The following TMEM72 variants were observed in gnomAD, a reference collection of about 807,000 sequenced individuals.
TMEM72 encodes the protein transmembrane protein 72.
In TMEM72, 9 loss-of-function variants were observed where a neutral mutation model predicts 16.3. The ratio of observed to expected loss-of-function variants is 0.55; its 90% CI spans 0.33 to 0.96. The LOEUF is 0.96. Among genes scored for constraint, TMEM72 ranks in the 40% least tolerant of loss-of-function variants. The pLI is 0.03. For missense variants in TMEM72, 324 were observed against 337.8 expected, an observed-to-expected ratio of 0.96 and a Z score of 0.32; for synonymous variants, 160 against 146.5, an observed-to-expected ratio of 1.09 and a Z score of -0.66.
intron 1 of TMEM72, among the ~76,000 whole-genome samples, chr10:44,923,454 T>A (rs1016319672): frequency 5.9e-5 from 9 of 152,166 alleles, no homozygotes; most frequent in South Asian, 2.1e-4. Context: ...CCTCACAATA[T>A]GTCGGTCTCA....
At position 44,921,267 on chromosome 10, in the gene TMEM72, C is replaced by T. The variant is rs1330176973; in HGVS notation, c.71-6654C>T. Among the ~76,000 whole-genome samples the T allele has an allele frequency of 2.6e-5, 4 of 152,088 alleles. No homozygotes were observed. The East Asian group carries it at 7.7e-4, about 29-fold the overall frequency. On this transcript the variant is annotated intron_variant, in intron 1 of 4. Coordinates refer to ENST00000389583, the MANE Select transcript of TMEM72 (RefSeq NM_001123376.3). ...AGACAGAGGCGTGGGGTGAGCTGTG[C>T]TGGAGTGGGCATAAGGTACCTCTGT...
At chr10:44,920,374 G>A (rs1840076573) in intron 1 of TMEM72, among the ~76,000 whole-genome samples, 1 of 152,242 alleles carries the variant, frequency 6.6e-6, no homozygotes, top group African/African-American at 2.4e-5. Flanking sequence ...GCAGCCTGAG[G>A]CCAGGGGAAT....
At chr10:44,914,488 T>A (rs532952584) in intron 1 of TMEM72, among the ~76,000 whole-genome samples, 2 of 152,324 alleles carry the variant, frequency 1.3e-5, no homozygotes, top group East Asian at 3.9e-4. Context: ...GTGCCTCAGT[T>A]GCTGAGACGC....
At chr10:44,933,580 A>C in intron 3 of TMEM72, 57 bp from the exon 4 acceptor site, 1 of 1,569,826 alleles carries the variant, frequency 6.4e-7, no homozygotes, top group Non-Finnish European at 8.7e-7. Context: ...CATGGCATCC[A>C]GTCTTGCTGG....
intron 1 of TMEM72, among the ~76,000 whole-genome samples, chr10:44,914,788 C>G (rs892538706): frequency 3.3e-5 from 5 of 152,324 alleles, no homozygotes; most frequent in South Asian, 4.1e-4. Flanking sequence ...GCACTCCTCC[C>G]CTGTGAGATG....
intron 2 of TMEM72, among the ~76,000 whole-genome samples, chr10:44,928,269 T>C (rs1030499086): frequency 1.3e-5 from 2 of 149,304 alleles, no homozygotes; most frequent in African/African-American, 5.0e-5. Context: ...AGCCCACCCA[T>C]CCATCCACTC....
At chr10:44,924,518 A>G (rs1197338908) in intron 1 of TMEM72, among the ~76,000 whole-genome samples, 2 of 114,272 alleles carry the variant, frequency 1.8e-5, no homozygotes, top group Admixed American at 1.9e-4. Flanking sequence ...AGAAGCGGCC[A>G]GGAGCCGCCC....
intron 4 of TMEM72, among the ~76,000 whole-genome samples, chr10:44,934,052 A>C (rs1840351249): frequency 6.6e-6 from 1 of 152,128 alleles, no homozygotes; most frequent in Admixed American, 6.5e-5. Context: ...CCTCCCACTG[A>C]CCATGTGTGG....
At chr10:44,918,757 A>G (rs549501776) in intron 1 of TMEM72, among the ~76,000 whole-genome samples, 2 of 152,302 alleles carry the variant, frequency 1.3e-5, no homozygotes, top group African/African-American at 4.8e-5. Flanking sequence ...CTAACACCCA[A>G]CATGATTGTA....
In TMEM72 at chr10:44,911,532, G is replaced by T. The variant is rs1303715709; in HGVS notation, c.20G>T (p.Trp7Leu). The stretch of plus-strand genomic sequence containing the variant: ...GGCACCATGCAGCTCCAGGTGTTCT[G>T]GACTGGGCTGGAATACACCTGCCGG... MQLQVF[W>L]TGLEYTCRLL... Residue 7 changes from tryptophan to leucine, a missense_variant, in exon 1 of 5, where the codon TGG becomes TTG. Trp to Leu is a moderately conservative substitution (Grantham distance 61). Transcript: ENST00000389583. 1 of 1,551,202 alleles carries T rather than the reference G, an allele frequency of 6.4e-7. No homozygotes were observed. The highest frequency in any genetic ancestry group is 1.2e-5 in the South Asian group (1 of 84,112).
Position 44,927,915 on chromosome 10 carries a change from C to A in TMEM72, c.71-6C>A. On this transcript the variant is annotated splice_region_variant and splice_polypyrimidine_tract_variant and intron_variant, in intron 1 of 4. Coordinates refer to ENST00000389583, the MANE Select transcript of TMEM72 (RefSeq NM_001123376.3). ...GCCCACTCTTCCTTCTTCTCTTGCCCCTTAGTGTTGATCGGCGTGGGCACT... is the reference window on the plus strand; with the variant it reads ...GCCCACTCTTCCTTCTTCTCTTGCCACTTAGTGTTGATCGGCGTGGGCACT... 1 of 1,613,964 alleles carries A rather than the reference C, an allele frequency of 6.2e-7. No individual in the cohort carries two copies. Among genetic ancestry groups the A allele is most frequent in the Non-Finnish European group, 8.5e-7 (1 of 1,179,980 alleles).
Position 44,934,896 on chromosome 10 carries a change from G to C in TMEM72, c.590G>C (p.Ser197Thr). Reference sequence around the variant, plus strand: ...ATCCTGAAGGGGACTAAGAAGCCCAGTGCCCTCCAGCCCCCCAACACCCTG... The same window carrying C: ...ATCCTGAAGGGGACTAAGAAGCCCACTGCCCTCCAGCCCCCCAACACCCTG... ...KSILKGTKKPSALQPPNTLME... is the reference protein window; with the variant it reads ...KSILKGTKKPTALQPPNTLME... Residue 197 changes from serine to threonine, a missense_variant, in exon 5 of 5, where the codon AGT becomes ACT. Coordinates refer to ENST00000389583, the MANE Select transcript of TMEM72 (RefSeq NM_001123376.3). The C allele has an allele frequency of 6.2e-7, 1 of 1,613,454 alleles. No individual in the cohort carries two copies.
At chr10:44,930,188 C>A (rs556057649) in intron 2 of TMEM72, among the ~76,000 whole-genome samples, 2 of 152,222 alleles carry the variant, frequency 1.3e-5, no homozygotes, top group African/African-American at 4.8e-5. Context: ...TTCTCTAACA[C>A]CTGCAGGATC....
At chr10:44,917,134 C>T (rs781412039) in intron 1 of TMEM72, among the ~76,000 whole-genome samples, 1 of 152,136 alleles carries the variant, frequency 6.6e-6, no homozygotes, top group Admixed American at 6.5e-5. Context: ...CTAGTAAGTG[C>T]ACATCCGAGC....
At chr10:44,912,963 C>G (rs1839958973) in intron 1 of TMEM72, among the ~76,000 whole-genome samples, 1 of 152,262 alleles carries the variant, frequency 6.6e-6, no homozygotes, top group Middle Eastern at 3.4e-3. Flanking sequence ...CAGCCCGGAG[C>G]CCTGGTCCTT....
At position 44,911,402 on chromosome 10, in the gene TMEM72, T is replaced by C; in HGVS notation, c.-111T>C. ...CTGGTTTGGGAAGGCAGGGCCCCGGTGTGCAGCCACAGCCAGCAGCCTCCT... is the reference window on the plus strand; with the variant it reads ...CTGGTTTGGGAAGGCAGGGCCCCGGCGTGCAGCCACAGCCAGCAGCCTCCT... On this transcript the variant is annotated 5_prime_UTR_variant, in exon 1 of 5. Coordinates refer to ENST00000389583, the MANE Select transcript of TMEM72 (RefSeq NM_001123376.3). 1.7e-6 allele frequency: 2 copies of C among 1,154,528 alleles called. No individual in the cohort carries two copies. Among genetic ancestry groups the C allele is most frequent in the South Asian group, 2.9e-5 (2 of 68,348 alleles). The allele number at this position is 1,154,528 out of a possible 1,614,324, so 71.5% of individuals were successfully genotyped here. A position where few individuals can be genotyped will look rare whatever the true frequency, so the allele number is the denominator to read the frequency against.
intron 3 of TMEM72, 98 bp from the exon 4 acceptor site, chr10:44,933,539 G>A (rs1564439254): frequency 2.0e-6 from 3 of 1,493,152 alleles, no homozygotes; most frequent in Non-Finnish European, 2.7e-6. Flanking sequence ...CCACTGCAGA[G>A]CATGCCCACA....
intron 2 of TMEM72, 106 bp from the exon 3 acceptor site, chr10:44,931,892 C>T: frequency 9.0e-7 from 1 of 1,111,410 alleles, no homozygotes; most frequent in Non-Finnish European, 1.3e-6. Context: ...CAGGTGAGTC[C>T]ATTGGCTGTA....
chr10:44,911,579 G>T lies in TMEM72; in HGVS notation c.67G>T (p.Ala23Ser). ...CCGGCTCCTGGGCATCACCACTGCT[G>T]CAGGTAAGACCCTGCCTCCTGGCTG... ...TCRLLGITTA[A>S]VLIGVGTETF... Residue 23 changes from alanine to serine, a missense_variant, in exon 1 of 5, where the codon GCA (alanine) becomes TCA (serine). By Grantham distance (99) the Ala-to-Ser change is moderately conservative. Transcript: ENST00000389583. 2 of 1,550,478 alleles carry T rather than the reference G, an allele frequency of 1.3e-6. No homozygotes were observed. Among genetic ancestry groups the T allele is most frequent in the Non-Finnish European group, 1.7e-6 (2 of 1,147,216 alleles).
Sources: allele counts gnomAD v4.1 joint callset (sites outside exome capture counted in the v4.1 genomes callset), GRCh38; gene constraint gnomAD v4.1.1; transcripts MANE v1.5; gene names NCBI Gene and HGNC (gene_info 2026-07-23, HGNC 2026-07-21).